The following DUOX2 variants were observed in gnomAD, a reference collection of about 807,000 sequenced individuals.
DUOX2 encodes the protein dual oxidase 2.
Under a neutral mutation model 183.3 loss-of-function variants are expected in DUOX2, and 185 were observed. The observed-to-expected ratio is 1.01, with a 90% CI of 0.90 to 1.14. The LOEUF (loss-of-function observed/expected upper bound fraction) is 1.14, where lower values mean the gene tolerates loss of function less well. Among genes scored for constraint, DUOX2 ranks in the 50% most tolerant of loss-of-function variants. The pLI is 0.00. For synonymous variants in DUOX2, 788 were observed against 812.4 expected (o/e 0.97, Z 0.51); for missense variants, 1,999 against 2,022.9 (o/e 0.99, Z 0.23).
In DUOX2 at chr15:45,094,738, C is replaced by T. The variant is rs754892057; in HGVS notation, c.4396-47G>A. ...AGACCAAAGACAGTCAGGGCCAGCA[C>T]TCAGCCCGAGCCAGCCCACATAGCC... On this transcript the variant is annotated intron_variant, in intron 32 of 33. Coordinates refer to ENST00000389039, the MANE Select transcript of DUOX2 (RefSeq NM_001363711.2). 8 of 1,611,126 alleles carry T rather than the reference C, an allele frequency of 5.0e-6. No homozygotes were observed. The East Asian group carries it at 1.8e-4, about 36-fold the overall frequency.
chr15:45,113,110 C>T, intron 2 of DUOX2, 34 bp from the exon 3 acceptor site: 1 of 1,599,976 alleles, frequency 6.3e-7, no homozygotes, highest in Non-Finnish European at 8.5e-7. Context: ...CTCAGCACTA[C>T]GCTCCCAGCT....
chr15:45,106,705 G>GGCT (rs1894224288), intron 15 of DUOX2, 64 bp from the exon 16 acceptor site: 1 of 1,610,884 alleles, frequency 6.2e-7, no homozygotes, highest in Non-Finnish European at 8.5e-7. Flanking sequence ...CTGTGGCTTA[G>GGCT]GCTATGGCCC....
At chr15:45,097,767 G>A (rs202124070) in intron 27 of DUOX2, 26 bp from the exon 28 acceptor site, 49 of 1,614,034 alleles carry the variant, frequency 3.0e-5, no homozygotes, top group Middle Eastern at 3.3e-4. Flanking sequence ...CAGGGCCAGT[G>A]AGTAGTCTCA....
chr15:45,106,173 G>C lies in DUOX2; in HGVS notation c.2100C>G (p.Asn700Lys). Residue 700 changes from asparagine to lysine, a missense_variant, in exon 17 of 34, where the codon AAC becomes AAG. Transcript: ENST00000389039. Reference sequence around the variant, plus strand: ...TGAGCAGCAGGGTGCGGCATCCTCGGTTGTTGGACAGGATGAGGTTGACCT... The same window carrying C: ...TGAGCAGCAGGGTGCGGCATCCTCGCTTGTTGGACAGGATGAGGTTGACCT... ...LQQVNLILSN[N>K]RGCRTLLLKI... The C allele has an allele frequency of 6.2e-7, 1 of 1,614,224 alleles. No homozygotes were observed. Among genetic ancestry groups the C allele is most frequent in the Non-Finnish European group, 8.5e-7 (1 of 1,180,042 alleles).
Position 45,111,470 on chromosome 15 carries a change from G to A in DUOX2, c.629C>T (p.Ala210Val), listed in dbSNP as rs539668767. ...GGQLASGPDP[A>V]FPRDSQNPLL... ...GGGGTTCTGCGAGTCTCGGGGGAAA[G>A]CGGGGTCGGGCCCCGACGCCAGCTG... Residue 210 changes from alanine (A) to valine (V), a missense_variant, in exon 6 of 34, where the codon GCT (alanine) becomes GTT (valine). Ala to Val is a moderately conservative substitution (Grantham distance 64). Coordinates refer to ENST00000389039, the MANE Select transcript of DUOX2 (RefSeq NM_001363711.2). 6.4e-6 allele frequency: 10 copies of A among 1,550,790 alleles called. No homozygotes were observed. In the Admixed American group the frequency reaches 2.0e-4, roughly 30 times the overall value.
chr15:45,095,211 G>A, intron 31 of DUOX2, 120 bp from the exon 32 acceptor site: 2 of 1,452,882 alleles, frequency 1.4e-6, no homozygotes, highest in Non-Finnish European at 1.9e-6. Flanking sequence ...GCTGTGGCAG[G>A]ACCCACCAGC....
chr15:45,113,295 C>T (rs1423049465), intron 2 of DUOX2, 47 bp downstream of exon 2: 1 of 1,548,132 alleles, frequency 6.5e-7, no homozygotes, highest in Admixed American at 2.0e-5. Context: ...CCCCACCTCC[C>T]AGGGATCCTG....
chr15:45,097,637 G>A lies in DUOX2; in HGVS notation c.3670C>T (p.Leu1224Phe). The change falls in exon 28 of 34, where the codon CTC (leucine) becomes TTC (phenylalanine). Residue 1224 changes from leucine (L) to phenylalanine (F), a missense_variant. Leu to Phe is a conservative substitution (Grantham distance 22). Around this residue, in one of 3 missense-constraint regions of DUOX2, gnomAD observed 1,628 missense variants for 1,608.6 expected, o/e 1.01. Transcript: ENST00000389039. Reference sequence around the variant, plus strand: ...ACCAGGGCATAGAGCAGGATGTAGAGGTGGTGGGTCAGCCAGAAGCCCCGG... The same window carrying A: ...ACCAGGGCATAGAGCAGGATGTAGAAGTGGTGGGTCAGCCAGAAGCCCCGG... ...SFRGFWLTHH[L>F]YILLYALLII... 1 of 1,614,270 alleles carries A rather than the reference G, an allele frequency of 6.2e-7. No individual in the cohort carries two copies. The highest frequency in any genetic ancestry group is 1.3e-5 in the African/African-American group (1 of 75,078).
In DUOX2 at chr15:45,107,816, A is replaced by C. The variant is rs142530819; in HGVS notation, c.1574+231T>G. Among the ~76,000 whole-genome samples the C allele has an allele frequency of 0.019, 2,513 of 135,256 alleles. 29 individuals are homozygous for C. The highest frequency in any genetic ancestry group is 0.026 in the Non-Finnish European group (1,698 of 65,544). The allele number at this position is 135,256 out of a possible 152,430, so 88.7% of individuals were successfully genotyped here. On this transcript the variant is annotated intron_variant, in intron 13 of 33. Coordinates refer to ENST00000389039, the MANE Select transcript of DUOX2 (RefSeq NM_001363711.2). ...CATTGAGCCAAGATCACGCCACTGCACTCCAGCCTGGGTGACAAAGCTAGA... is the reference window on the plus strand; with the variant it reads ...CATTGAGCCAAGATCACGCCACTGCCCTCCAGCCTGGGTGACAAAGCTAGA...
At chr15:45,110,619 G>A (rs767128422) in intron 8 of DUOX2, 31 bp downstream of exon 8, 47 of 1,613,298 alleles carry the variant, frequency 2.9e-5, no homozygotes, top group Non-Finnish European at 3.6e-5. Flanking sequence ...AGGATTCTCC[G>A]CACAGGTGTC....
rs995048944 is a variant in DUOX2, at chr15:45,105,626, G to T, written c.2334+17C>A. On this transcript the variant is annotated intron_variant, in intron 18 of 33. Coordinates refer to ENST00000389039, the MANE Select transcript of DUOX2 (RefSeq NM_001363711.2). ...TCTGGGGCTGGACCCATCTCCAAAA[G>T]GCACAGGTCATGGCACCTGAGCAAA... The T allele has an allele frequency of 1.2e-6, 2 of 1,614,066 alleles. No homozygotes were observed. The highest frequency in any genetic ancestry group is 2.7e-5 in the African/African-American group (2 of 75,028).
rs1336316521 is a variant in DUOX2, at chr15:45,110,519, G to A, written c.949C>T (p.Arg317Cys). ...QKTLPEYTGY[R>C]PFLDPSISPE... Reference sequence around the variant, plus strand: ...GAGATGCTGGGGTCTAGGAAAGGACGGTATCCTGCAGGAAGGAGACGGTGA... The same window carrying A: ...GAGATGCTGGGGTCTAGGAAAGGACAGTATCCTGCAGGAAGGAGACGGTGA... Residue 317 changes from arginine to cysteine, a missense_variant, in exon 9 of 34, where the codon CGT (arginine) becomes TGT (cysteine). Transcript: ENST00000389039. The A allele has an allele frequency of 6.2e-6, 10 of 1,613,992 alleles. No individual in the cohort carries two copies. The highest frequency in any genetic ancestry group is 8.5e-6 in the Non-Finnish European group (10 of 1,180,022).
intron 1 of DUOX2, among the ~76,000 whole-genome samples, chr15:45,113,645 T>A (rs528335745): frequency 1.3e-5 from 2 of 152,150 alleles, no homozygotes; most frequent in South Asian, 2.1e-4. Flanking sequence ...CTGTTCCCCA[T>A]CCGCCACCCC....
intron 21 of DUOX2, 86 bp from the exon 22 acceptor site, chr15:45,101,360 A>G: frequency 8.5e-7 from 1 of 1,178,260 alleles, no homozygotes; most frequent in Non-Finnish European, 1.2e-6. Context: ...CCCTTCTGGG[A>G]AAGTCATGTC....
chr15:45,097,864 G>C, intron 27 of DUOX2, 123 bp from the exon 28 acceptor site: 1 of 1,574,374 alleles, frequency 6.4e-7, no homozygotes, highest in East Asian at 2.2e-5. Context: ...CCCCAGAAAA[G>C]CCTGCCTGGA....
chr15:45,112,670 T>C lies in DUOX2; in HGVS notation c.209A>G (p.Tyr70Cys), dbSNP rs1566979003. Reference protein sequence around the residue: ...RVPANYADGVYQALEEPQLPN... With the variant: ...RVPANYADGVCQALEEPQLPN... ...CAGCTGCGGCTCCTCCAGAGCCTGATACACACCGTCGGCGTAATTGGCTGG... is the reference window on the plus strand; with the variant it reads ...CAGCTGCGGCTCCTCCAGAGCCTGACACACACCGTCGGCGTAATTGGCTGG... Residue 70 changes from tyrosine to cysteine, a missense_variant, in exon 4 of 34, where the codon TAT becomes TGT. Tyr to Cys is a radical substitution (Grantham distance 194). This residue lies in a region of DUOX2 where 356 missense variants were observed against 356.4 expected (regional missense o/e 1.00). Transcript: ENST00000389039. 3.1e-6 allele frequency: 5 copies of C among 1,612,812 alleles called. No individual in the cohort carries two copies. The highest frequency in any genetic ancestry group is 4.2e-6 in the Non-Finnish European group (5 of 1,179,910).
intron 22 of DUOX2, 64 bp from the exon 23 acceptor site, chr15:45,100,902 CAGAGCATGGGGT>C (rs1242856836): frequency 8.3e-7 from 1 of 1,207,338 alleles, no homozygotes; most frequent in African/African-American, 1.5e-5. Flanking sequence ...ACTCCCTGGG[CAGAGCATGGGGT>C]AGAGGTAGGG....
At chr15:45,105,086 G>A (rs562486626) in intron 18 of DUOX2, among the ~76,000 whole-genome samples, 18 of 152,368 alleles carry the variant, frequency 1.2e-4, no homozygotes, top group Non-Finnish European at 2.5e-4. Context: ...CTCCCAAAGT[G>A]CTGGGATTAT....
chr15:45,111,860 C>T lies in DUOX2; in HGVS notation c.421G>A (p.Asp141Asn), dbSNP rs376160362. The change falls in exon 5 of 34, where the codon GAC becomes AAC. Residue 141 changes from aspartate to asparagine, a missense_variant. Asp to Asn is a conservative substitution (Grantham distance 23). Transcript: ENST00000389039. ...IRIPPGDPVF[D>N]PDQRGDVVLP... ...ACCACGTCCCCGCGCTGGTCGGGGT[C>T]GAACACGGGGTCTCCAGGTGGGATG... 2.4e-5 allele frequency: 39 copies of T among 1,613,578 alleles called. No individual in the cohort carries two copies. The highest frequency in any genetic ancestry group is 1.7e-5 in the Non-Finnish European group (20 of 1,179,984).
Sources: allele counts gnomAD v4.1 joint callset (sites outside exome capture counted in the v4.1 genomes callset), GRCh38; gene constraint gnomAD v4.1.1; regional missense constraint gnomAD v4.1.1; transcripts MANE v1.5; gene names NCBI Gene and HGNC (gene_info 2026-07-23, HGNC 2026-07-21).